The following ZNF385D variants were observed in gnomAD, a reference collection of about 807,000 sequenced individuals.
ZNF385D encodes zinc finger protein 385D.
A neutral mutation model predicts 35.8 loss-of-function variants in ZNF385D; 15 were observed. The observed-to-expected ratio is 0.42, with a 90% CI of 0.28 to 0.64. The LOEUF (loss-of-function observed/expected upper bound fraction) is 0.64. ZNF385D is among the 30% of genes least tolerant of loss of function. The pLI is 0.23. For synonymous variants in ZNF385D, 212 were observed against 186.8 expected (o/e 1.13, Z -1.10); for missense variants, 474 against 494.6 (o/e 0.96, Z 0.39).
chr3:21,702,074 C>T (rs1278982344), intron 1 of ZNF385D, among the ~76,000 whole-genome samples: 1 of 152,206 alleles, frequency 6.6e-6, no homozygotes, highest in Non-Finnish European at 1.5e-5. Context: ...CTAGGCAGTG[C>T]ACCAGTAAGG....
chr3:22,102,626 A>G (rs1408912430), intron 3 of ZNF385D, among the ~76,000 whole-genome samples: 1 of 152,092 alleles, frequency 6.6e-6, no homozygotes, highest in Non-Finnish European at 1.5e-5. Context: ...AAAAATATAC[A>G]TCGACAATAG....
intron 3 of ZNF385D, among the ~76,000 whole-genome samples, chr3:22,101,012 A>G (rs1328409946): frequency 1.3e-5 from 2 of 151,984 alleles, no homozygotes; most frequent in East Asian, 1.9e-4. Context: ...CCTGTTATAA[A>G]TGGGCTACCC....
At chr3:21,894,996 T>C (rs899007321) in intron 3 of ZNF385D, among the ~76,000 whole-genome samples, 1 of 152,012 alleles carries the variant, frequency 6.6e-6, no homozygotes, top group African/African-American at 2.4e-5. Context: ...AATGATGGCA[T>C]GCATAAAGTG....
At chr3:22,199,834 T>C (rs969308527) in intron 2 of ZNF385D, among the ~76,000 whole-genome samples, 1 of 152,114 alleles carries the variant, frequency 6.6e-6, no homozygotes. Context: ...ACGTAAAATT[T>C]ATGAATTACA....
intron 3 of ZNF385D, among the ~76,000 whole-genome samples, chr3:21,767,978 C>A (rs1575615103): frequency 1.3e-5 from 2 of 151,936 alleles, no homozygotes; most frequent in East Asian, 3.9e-4. Context: ...TTACATTGTC[C>A]TAATTTGTTG....
At chr3:22,206,199 T>G (rs1441075566) in intron 2 of ZNF385D, among the ~76,000 whole-genome samples, 1 of 151,798 alleles carries the variant, frequency 6.6e-6, no homozygotes, top group Non-Finnish European at 1.5e-5. Flanking sequence ...CATTATACAA[T>G]GATAAAGGAA....
intron 3 of ZNF385D, among the ~76,000 whole-genome samples, chr3:22,099,989 A>G (rs966948237): frequency 2.0e-5 from 3 of 152,118 alleles, no homozygotes; most frequent in African/African-American, 7.2e-5. Flanking sequence ...TTTACAAGAA[A>G]AAAACAAACA....
chr3:21,759,721 T>A (rs7648115), intron 3 of ZNF385D, among the ~76,000 whole-genome samples: 143,046 of 152,216 alleles, frequency 0.94, 67,221 homozygotes, highest in East Asian at 0.98. Context: ...GAGACCCACC[T>A]CAAATATGTT....
chr3:22,286,622 A>G (rs974655595), intron 2 of ZNF385D, among the ~76,000 whole-genome samples: 16 of 152,060 alleles, frequency 1.1e-4, no homozygotes, highest in African/African-American at 3.4e-4. Context: ...ATATTTTTCA[A>G]TTTCCCTATT....
intron 2 of ZNF385D, among the ~76,000 whole-genome samples, chr3:22,337,836 G>A (rs541470358): frequency 6.6e-6 from 1 of 152,234 alleles, no homozygotes; most frequent in African/African-American, 2.4e-5. Context: ...CAGAACAGGA[G>A]CTATCACTGT....
At chr3:21,822,988 G>C (rs539645089) in intron 3 of ZNF385D, among the ~76,000 whole-genome samples, 4 of 151,992 alleles carry the variant, frequency 2.6e-5, no homozygotes, top group African/African-American at 7.3e-5. Context: ...CTGATGGGGG[G>C]ACAAGAACAA....
At chr3:22,050,049 G>C (rs1699248953) in intron 3 of ZNF385D, among the ~76,000 whole-genome samples, 1 of 152,136 alleles carries the variant, frequency 6.6e-6, no homozygotes. Context: ...AGCAGTTTGA[G>C]AAGGATTGGT....
At chr3:22,285,387 C>T (rs1462022839) in intron 2 of ZNF385D, among the ~76,000 whole-genome samples, 5 of 152,026 alleles carry the variant, frequency 3.3e-5, no homozygotes, top group African/African-American at 1.2e-4. Context: ...ATTTATTTTT[C>T]ATTTAGTCAG....
At chr3:21,449,888 T>A (rs1420445536) in intron 4 of ZNF385D, among the ~76,000 whole-genome samples, 1 of 151,506 alleles carries the variant, frequency 6.6e-6, no homozygotes, top group Non-Finnish European at 1.5e-5. Flanking sequence ...GGACAGAGAG[T>A]GTGTGAGGCA....
At chr3:22,217,010 G>A (rs1359863056) in intron 2 of ZNF385D, among the ~76,000 whole-genome samples, 1 of 152,064 alleles carries the variant, frequency 6.6e-6, no homozygotes, top group Non-Finnish European at 1.5e-5. Flanking sequence ...AACATCTATT[G>A]CATTAAACAT....
At chr3:22,107,026 G>GTTGTTTTTTTTTTTTTTTTTTTTTTTTTT (rs538697822) in intron 3 of ZNF385D, among the ~76,000 whole-genome samples, 1 of 118,830 alleles carries the variant, frequency 8.4e-6, no homozygotes, top group African/African-American at 3.0e-5. Flanking sequence ...TGGAATGAGA[G>GTTGTTTTTTTTTTTTTTTTTTTTTTTTTT]TTTTTTTTTT....
At chr3:21,623,636 G>T (rs1393283013) in intron 2 of ZNF385D, among the ~76,000 whole-genome samples, 1 of 151,722 alleles carries the variant, frequency 6.6e-6, no homozygotes, top group East Asian at 1.9e-4. Context: ...TTCCAGTCTG[G>T]GCAACAGAGA....
chr3:22,300,689 G>T (rs950347646), intron 2 of ZNF385D, among the ~76,000 whole-genome samples: 1 of 151,884 alleles, frequency 6.6e-6, no homozygotes, highest in African/African-American at 2.4e-5. Flanking sequence ...CATTAAAAAC[G>T]TTCAATATCA....
intron 3 of ZNF385D, among the ~76,000 whole-genome samples, chr3:21,891,696 G>C (rs1270521891): frequency 6.6e-6 from 1 of 152,194 alleles, no homozygotes; most frequent in Non-Finnish European, 1.5e-5. Flanking sequence ...ACATTAGTTT[G>C]AAATTAGGCT....
Sources: gnomAD v4.1 joint callset for allele counts (sites outside exome capture counted in the v4.1 genomes callset) on GRCh38, gnomAD v4.1.1 for gene constraint, MANE v1.5 for transcripts, NCBI Gene and HGNC (gene_info 2026-07-23, HGNC 2026-07-21) for gene names.